The following NIM1K variants were observed in gnomAD, a reference collection of about 807,000 sequenced individuals.
NIM1K encodes NIM1 serine/threonine protein kinase.
NIM1K carries 35 observed loss-of-function variants against 37.1 expected under a neutral mutation model. The observed-to-expected ratio is 0.94, with a 90% CI of 0.72 to 1.25. The LOEUF (loss-of-function observed/expected upper bound fraction) is 1.25. Ranked by LOEUF, NIM1K falls within the 50% of genes most tolerant of loss-of-function variation. NIM1K has a pLI of 0.00. For missense variants in NIM1K, 564 were observed against 548.0 expected, an observed-to-expected ratio of 1.03 and a Z score of -0.29; for synonymous variants, 234 against 206.6, an observed-to-expected ratio of 1.13 and a Z score of -1.14.
At chr5:43,255,754 A>AAAAAAAAAAGAAAGAAAG (rs112325348) in intron 2 of NIM1K, among the ~76,000 whole-genome samples, 2 of 131,806 alleles carry the variant, frequency 1.5e-5, no homozygotes, top group Non-Finnish European at 3.1e-5. Context: ...TCTCAAAAAA[A>AAAAAAAAAAGAAAGAAAG]AAAGAAAGAA....
chr5:43,224,811 T>C (rs553988907), intron 1 of NIM1K, among the ~76,000 whole-genome samples: 1 of 151,304 alleles, frequency 6.6e-6, no homozygotes, highest in African/African-American at 2.4e-5. Flanking sequence ...ATTCTCTGCC[T>C]CAGCCTCCCA....
intron 2 of NIM1K, among the ~76,000 whole-genome samples, chr5:43,268,946 T>A (rs569660016): frequency 2.4e-4 from 36 of 152,310 alleles, no homozygotes; most frequent in African/African-American, 8.4e-4. Flanking sequence ...GGTTTTATAA[T>A]GACCTTCTTT....
chr5:43,210,347 A>G (rs1752185888), intron 1 of NIM1K, among the ~76,000 whole-genome samples: 1 of 152,228 alleles, frequency 6.6e-6, no homozygotes, highest in South Asian at 2.1e-4. Context: ...AAGTAAAACC[A>G]GTTTTTATTA....
intron 1 of NIM1K, among the ~76,000 whole-genome samples, chr5:43,196,869 T>C: frequency 6.7e-6 from 1 of 150,062 alleles, no homozygotes; most frequent in East Asian, 2.0e-4. Flanking sequence ...AATTCCTGAG[T>C]TCAAGCAATC....
In NIM1K at chr5:43,280,193, G is replaced by A. The variant is rs1255719599; in HGVS notation, c.775G>A (p.Val259Met). 3 of 1,614,152 alleles carry A rather than the reference G, an allele frequency of 1.9e-6. No homozygotes were observed. Among genetic ancestry groups the A allele is most frequent in the South Asian group, 1.1e-5 (1 of 91,084 alleles). Residue 259 changes from valine (V) to methionine (M), a missense_variant, in exon 4 of 4, where the codon GTG (valine) becomes ATG (methionine). Transcript: ENST00000326035. ...TTACGTGGATATCTGGGCCTTGGGG[G>A]TGCTTTTGTACTTCATGGTGACTGG... Reference protein sequence around the residue: ...GIYVDIWALGVLLYFMVTGTM... With the variant: ...GIYVDIWALGMLLYFMVTGTM...
intron 2 of NIM1K, among the ~76,000 whole-genome samples, chr5:43,260,759 C>G (rs182014211): frequency 7.8e-4 from 119 of 152,228 alleles, no homozygotes; most frequent in Non-Finnish European, 1.3e-3. Context: ...ATCCCTCCCC[C>G]CTTCCCCCAC....
chr5:43,195,345 A>G (rs1473353636), intron 1 of NIM1K, among the ~76,000 whole-genome samples: 1 of 152,172 alleles, frequency 6.6e-6, no homozygotes, highest in Non-Finnish European at 1.5e-5. Flanking sequence ...AGTTTTACAG[A>G]TGGACAAGTT....
Position 43,200,961 on chromosome 5 carries a change from T to A in NIM1K, c.-695+8550T>A, listed in dbSNP as rs149161871. ...CAAGATGGTGAAACCCTGTCTCTAC[T>A]AAAAACTACAAAAATTAGCCAGGCA... is the stretch of plus-strand genomic sequence containing the variant. On this transcript the variant is annotated intron_variant, in intron 1 of 3. Coordinates refer to ENST00000326035, the MANE Select transcript of NIM1K (RefSeq NM_153361.4). Among the ~76,000 whole-genome samples, 1,010 of 151,362 alleles carry A rather than the reference T, an allele frequency of 6.7e-3. 10 individuals are homozygous for A. Among genetic ancestry groups the A allele is most frequent in the African/African-American group, 0.024 (972 of 41,200 alleles).
At chr5:43,217,459 C>G (rs1038569724) in intron 1 of NIM1K, among the ~76,000 whole-genome samples, 8 of 93,746 alleles carry the variant, frequency 8.5e-5, no homozygotes, top group African/African-American at 3.3e-4. Context: ...TGTGGACATG[C>G]AAAAAAAAAA....
At chr5:43,269,848 G>T (rs1419404560) in intron 2 of NIM1K, among the ~76,000 whole-genome samples, 2 of 152,080 alleles carry the variant, frequency 1.3e-5, no homozygotes, top group East Asian at 3.9e-4. Flanking sequence ...TCGATCTCCT[G>T]ACCTCGTGAT....
chr5:43,266,426 C>T (rs2086133), intron 2 of NIM1K, among the ~76,000 whole-genome samples: 61,749 of 152,128 alleles, frequency 0.41, 13,985 homozygotes, highest in East Asian at 0.78. Context: ...GAGCCAGGTG[C>T]GGGATATGAT....
At chr5:43,225,698 C>G (rs1273609957) in intron 1 of NIM1K, 3 of 155,204 alleles carry the variant, frequency 1.9e-5, no homozygotes, top group African/African-American at 7.2e-5. Flanking sequence ...CACCAGGCTT[C>G]CATCCACATC....
At chr5:43,277,809 TGTGTGTGAGAGAGAGAGAGAGA>T (rs1358073774) in intron 3 of NIM1K, among the ~76,000 whole-genome samples, 10 of 146,760 alleles carry the variant, frequency 6.8e-5, no homozygotes, top group African/African-American at 2.7e-4. Context: ...TGTGTGTGTG[TGTGTGTGAGAGAGAGAGAGAGA>T]GAGAGAGAGA....
intron 1 of NIM1K, among the ~76,000 whole-genome samples, chr5:43,201,270 A>G (rs1026589798): frequency 6.6e-6 from 1 of 152,224 alleles, no homozygotes; most frequent in African/African-American, 2.4e-5. Context: ...TTAGCTGGGC[A>G]TGGTGGCGGG....
chr5:43,248,634 C>T (rs950038277), intron 2 of NIM1K, among the ~76,000 whole-genome samples: 4 of 151,970 alleles, frequency 2.6e-5, no homozygotes, highest in African/African-American at 9.7e-5. Flanking sequence ...GAGAGAGAGA[C>T]ACTTACAAGG....
chr5:43,267,986 A>G (rs1395114539), intron 2 of NIM1K, among the ~76,000 whole-genome samples: 1 of 152,166 alleles, frequency 6.6e-6, no homozygotes, highest in Non-Finnish European at 1.5e-5. Flanking sequence ...AGTATTGTTT[A>G]AGTCATTGTT....
intron 2 of NIM1K, among the ~76,000 whole-genome samples, chr5:43,271,308 T>C (rs1040531432): frequency 6.6e-5 from 10 of 152,114 alleles, no homozygotes; most frequent in African/African-American, 2.4e-4. Context: ...TTTCAATTCT[T>C]CAAAGTCAGT....
chr5:43,279,744 T>A (rs762678093), intron 3 of NIM1K, among the ~76,000 whole-genome samples: 1 of 152,232 alleles, frequency 6.6e-6, no homozygotes, highest in Non-Finnish European at 1.5e-5. Flanking sequence ...TGAGTCCACA[T>A]GTGTGGAACA....
rs986746736 is a variant in NIM1K, at chr5:43,213,433, G to A, written c.-695+21022G>A. ...CAACCTCCACCTCCCAGGTTCAAGT[G>A]ATTCTCGTGCCTCAGCCTCCCAAGT... is the stretch of plus-strand genomic sequence containing the variant. On this transcript the variant is annotated intron_variant, in intron 1 of 3. Coordinates refer to ENST00000326035, the MANE Select transcript of NIM1K (RefSeq NM_153361.4). Among the ~76,000 whole-genome samples the A allele has an allele frequency of 9.2e-5, 14 of 151,418 alleles. No homozygotes were observed. The East Asian group carries it at 2.7e-3, about 29-fold the overall frequency.
Sources: allele counts gnomAD v4.1 joint callset (sites outside exome capture counted in the v4.1 genomes callset), GRCh38; gene constraint gnomAD v4.1.1; transcripts MANE v1.5; gene names NCBI Gene and HGNC (gene_info 2026-07-23, HGNC 2026-07-21).